The following ZNF670 variants were observed in gnomAD, a reference collection of about 807,000 sequenced individuals.
The protein encoded by ZNF670 is zinc finger protein 670.
A neutral mutation model predicts 10.9 loss-of-function variants in ZNF670; 7 were observed. That is an observed-to-expected ratio of 0.64 (90% CI 0.36 to 1.20). ZNF670 has a LOEUF of 1.20. ZNF670 is among the 50% of genes most tolerant of loss of function. The pLI is 0.02. For missense variants in ZNF670, 446 were observed against 458.6 expected (o/e 0.97, Z 0.25); for synonymous variants, 136 against 152.7 (o/e 0.89, Z 0.81).
Position 247,038,440 on chromosome 1 carries a change from T to TA in ZNF670, c.192-14dup, listed in dbSNP as rs202165763. On this transcript the variant is annotated splice_polypyrimidine_tract_variant and intron_variant, in intron 3 of 3. Transcript: ENST00000366503. ...TACCACATGACTGCTGTAAAAATGA[T>TA]AAACATCATTAATGGTACATTTATT... is the stretch of plus-strand genomic sequence containing the variant. 13,679 of 1,584,712 alleles carry TA rather than the reference T, an allele frequency of 8.6e-3. 755 individuals are homozygous for TA. The Admixed American group carries it at 0.14, about 16-fold the overall frequency.
intron 1 of ZNF670, among the ~76,000 whole-genome samples, chr1:247,054,823 A>G (rs1172571155): frequency 6.6e-6 from 1 of 152,200 alleles, no homozygotes; most frequent in Non-Finnish European, 1.5e-5. Context: ...AATAATAATA[A>G]TAATAATGAG....
At chr1:247,062,041 G>A (rs2103066224) in intron 1 of ZNF670, among the ~76,000 whole-genome samples, 1 of 152,322 alleles carries the variant, frequency 6.6e-6, no homozygotes, top group East Asian at 1.9e-4. Flanking sequence ...TCTAGGGGTT[G>A]CCGATGGTTG....
chr1:247,057,024 T>TG (rs771347792), intron 1 of ZNF670, among the ~76,000 whole-genome samples: 6 of 152,142 alleles, frequency 3.9e-5, no homozygotes, highest in Non-Finnish European at 7.4e-5. Context: ...AAAAAGCTTC[T>TG]GTGCAGCAAA....
At chr1:247,061,894 A>T (rs1158733643) in intron 1 of ZNF670, among the ~76,000 whole-genome samples, 1 of 152,248 alleles carries the variant, frequency 6.6e-6, no homozygotes, top group Non-Finnish European at 1.5e-5. Flanking sequence ...TATTGGGATT[A>T]AACAAAATGA....
intron 1 of ZNF670, among the ~76,000 whole-genome samples, chr1:247,058,447 C>A (rs1670771275): frequency 6.6e-6 from 1 of 152,096 alleles, no homozygotes; most frequent in African/African-American, 2.4e-5. Context: ...AATAATTCAA[C>A]CTTCCATTTT....
At chr1:247,052,403 G>T (rs938055198) in intron 1 of ZNF670, among the ~76,000 whole-genome samples, 1 of 152,094 alleles carries the variant, frequency 6.6e-6, no homozygotes, top group Admixed American at 6.5e-5. Flanking sequence ...CTCTGGGCTG[G>T]TACTGGGGAG....
At chr1:247,049,098 C>CTTTTTT (rs772486522) in intron 1 of ZNF670, among the ~76,000 whole-genome samples, 67 of 124,520 alleles carry the variant, frequency 5.4e-4, no homozygotes, top group African/African-American at 1.0e-3. Context: ...TGTTTCATTT[C>CTTTTTT]TTTTTTTTTT....
intron 1 of ZNF670, among the ~76,000 whole-genome samples, chr1:247,047,613 T>C (rs546973297): frequency 4.7e-4 from 72 of 152,332 alleles, no homozygotes; most frequent in African/African-American, 1.7e-3. Context: ...TGCCTTAGCA[T>C]AGGTTCTCCA....
At chr1:247,051,782 ATTTT>A (rs58493948) in intron 1 of ZNF670, among the ~76,000 whole-genome samples, 4,074 of 138,236 alleles carry the variant, frequency 0.029, 185 homozygotes, top group African/African-American at 0.098. Context: ...TTCTTTTTTC[ATTTT>A]TTTTTTTTTT....
intron 1 of ZNF670, among the ~76,000 whole-genome samples, chr1:247,052,866 T>C (rs1366010437): frequency 6.6e-6 from 1 of 152,144 alleles, no homozygotes; most frequent in African/African-American, 2.4e-5. Flanking sequence ...AAAAAGTATG[T>C]CTTTTGTCTT....
chr1:247,058,286 G>C (rs1405070992), intron 1 of ZNF670, among the ~76,000 whole-genome samples: 1 of 151,988 alleles, frequency 6.6e-6, no homozygotes, highest in Admixed American at 6.6e-5. Flanking sequence ...ATAACAAACA[G>C]GTCAAAGACA....
intron 1 of ZNF670, among the ~76,000 whole-genome samples, chr1:247,058,963 GAC>G (rs1303133676): frequency 6.6e-6 from 1 of 152,230 alleles, no homozygotes; most frequent in Non-Finnish European, 1.5e-5. Flanking sequence ...TTGAAGAACT[GAC>G]ACAGATTCTC....
intron 1 of ZNF670, among the ~76,000 whole-genome samples, chr1:247,055,626 G>A (rs537253795): frequency 6.6e-6 from 1 of 152,282 alleles, no homozygotes; most frequent in South Asian, 2.1e-4. Context: ...ACATTGTGGT[G>A]CATTGGTGAG....
At chr1:247,047,903 T>G (rs116472643) in intron 1 of ZNF670, among the ~76,000 whole-genome samples, 2,121 of 152,270 alleles carry the variant, frequency 0.014, 50 homozygotes, top group African/African-American at 0.048. Flanking sequence ...GAAACCATTT[T>G]TTTCTCCTAT....
intron 1 of ZNF670, chr1:247,042,860 T>G: frequency 1.6e-6 from 1 of 612,480 alleles, no homozygotes; most frequent in Admixed American, 2.2e-5. Flanking sequence ...CTTTCCCTAT[T>G]CTCTGTACTG....
At chr1:247,073,431 G>C (rs1455655244) in intron 1 of ZNF670, among the ~76,000 whole-genome samples, 1 of 151,020 alleles carries the variant, frequency 6.6e-6, no homozygotes, top group Non-Finnish European at 1.5e-5. Flanking sequence ...TCTCAAGGTG[G>C]AGATACAGCC....
chr1:247,061,638 G>C (rs1558344145), intron 1 of ZNF670, among the ~76,000 whole-genome samples: 1 of 152,054 alleles, frequency 6.6e-6, no homozygotes, highest in Non-Finnish European at 1.5e-5. Flanking sequence ...CCATAACGTA[G>C]GCTCTTCCAC....
In ZNF670 at chr1:247,063,920, T is replaced by C. The variant is rs1670924555; in HGVS notation, c.3+14674A>G. Among the ~76,000 whole-genome samples, 4 of 152,180 alleles carry C rather than the reference T, an allele frequency of 2.6e-5. No homozygotes were observed. In the South Asian group the frequency reaches 8.3e-4, roughly 32 times the overall value. On this transcript the variant is annotated intron_variant, in intron 1 of 3. Transcript: ENST00000366503. ...TTTGCTGGAGCAGTGACAGGATGCC[T>C]GGGATCCCACGTGCTGGCACAGCCT... is the stretch of plus-strand genomic sequence containing the variant.
intron 1 of ZNF670, among the ~76,000 whole-genome samples, chr1:247,063,858 G>GCA (rs1006214427): frequency 5.9e-5 from 9 of 152,168 alleles, no homozygotes; most frequent in Non-Finnish European, 1.2e-4. Flanking sequence ...GGGGCTGTGG[G>GCA]CACACAGCTT....
Sources: gnomAD v4.1 joint callset for allele counts (sites outside exome capture counted in the v4.1 genomes callset) on GRCh38, gnomAD v4.1.1 for gene constraint, MANE v1.5 for transcripts, NCBI Gene and HGNC (gene_info 2026-07-23, HGNC 2026-07-21) for gene names.